TAFA1: variants seen among roughly 807,000 people sequenced by gnomAD.
The protein encoded by TAFA1 is chemokine-like protein TAFA-1.
In TAFA1, 4 loss-of-function variants were observed where a neutral mutation model predicts 18.5. The ratio of observed to expected loss-of-function variants is 0.22; its 90% confidence interval spans 0.11 to 0.49. The LOEUF is 0.49. TAFA1 is among the 20% of genes least tolerant of loss of function. The pLI is 0.98. For missense variants in TAFA1, 147 were observed against 169.0 expected (o/e 0.87, Z 0.72); for synonymous variants, 56 against 55.2 (o/e 1.01, Z -0.06).
chr3:68,491,564 T>G, intron 3 of TAFA1, among the ~76,000 whole-genome samples: 2 of 136,616 alleles, frequency 1.5e-5, no homozygotes, highest in African/African-American at 2.6e-5. Flanking sequence ...GGGGGAGGGA[T>G]AGCATTGGGA....
At chr3:68,117,096 T>G (rs2106849367) in intron 2 of TAFA1, among the ~76,000 whole-genome samples, 1 of 152,354 alleles carries the variant, frequency 6.6e-6, no homozygotes. Context: ...CAGCTCTCTT[T>G]TGCGCAAATA....
At chr3:68,313,564 G>A (rs368458593) in intron 2 of TAFA1, among the ~76,000 whole-genome samples, 8 of 152,196 alleles carry the variant, frequency 5.3e-5, no homozygotes, top group African/African-American at 1.9e-4. Context: ...CATGTATGCT[G>A]GAGTTGACAA....
chr3:68,108,239 T>A (rs2065225107), intron 2 of TAFA1, among the ~76,000 whole-genome samples: 1 of 152,108 alleles, frequency 6.6e-6, no homozygotes, highest in Admixed American at 6.6e-5. Context: ...AGAAACTTGT[T>A]AGATAAGAGC....
intron 2 of TAFA1, among the ~76,000 whole-genome samples, chr3:68,400,848 T>G (rs1425678814): frequency 1.3e-5 from 2 of 152,218 alleles, no homozygotes; most frequent in African/African-American, 2.4e-5. Context: ...TCTTCCTAGA[T>G]GGCCTCAGCG....
At chr3:68,433,124 C>T (rs930031116) in intron 3 of TAFA1, among the ~76,000 whole-genome samples, 19 of 152,086 alleles carry the variant, frequency 1.2e-4, no homozygotes, top group Non-Finnish European at 1.9e-4. Flanking sequence ...CACATTTCCA[C>T]CAGTCTGCTT....
chr3:68,336,591 T>A (rs2068972501), intron 2 of TAFA1, among the ~76,000 whole-genome samples: 1 of 152,256 alleles, frequency 6.6e-6, no homozygotes, highest in Non-Finnish European at 1.5e-5. Flanking sequence ...TCAAACTATC[T>A]GCTTGAAAGG....
intron 2 of TAFA1, among the ~76,000 whole-genome samples, chr3:68,121,600 A>G (rs1348968580): frequency 6.6e-6 from 1 of 152,160 alleles, no homozygotes; most frequent in African/African-American, 2.4e-5. Context: ...AATTCTCATC[A>G]TGTCCCTAAT....
intron 3 of TAFA1, among the ~76,000 whole-genome samples, chr3:68,454,211 A>G (rs958687901): frequency 1.1e-4 from 16 of 152,174 alleles, no homozygotes; most frequent in African/African-American, 3.9e-4. Flanking sequence ...GAAATACAGG[A>G]TCATCATATG....
intron 2 of TAFA1, among the ~76,000 whole-genome samples, chr3:68,295,314 A>G (rs2068187222): frequency 6.6e-6 from 1 of 152,182 alleles, no homozygotes; most frequent in African/African-American, 2.4e-5. Flanking sequence ...TAAAGTTAGG[A>G]TGCAGTGGGT....
intron 2 of TAFA1, among the ~76,000 whole-genome samples, chr3:68,156,753 C>G (rs751164742): frequency 1.5e-5 from 2 of 137,312 alleles, no homozygotes; most frequent in Non-Finnish European, 3.2e-5. Context: ...CTATAATTTA[C>G]TGAGTATGTG....
chr3:68,287,921 G>GGTT (rs2068042448), intron 2 of TAFA1, among the ~76,000 whole-genome samples: 1 of 95,156 alleles, frequency 1.1e-5, no homozygotes, highest in Non-Finnish European at 2.3e-5. Flanking sequence ...GGGTGGGGGG[G>GGTT]CTTTTTGAAA....
At chr3:68,410,705 CAAAAAAA>C (rs34714719) in intron 2 of TAFA1, among the ~76,000 whole-genome samples, 2,226 of 36,576 alleles carry the variant, frequency 0.061, 50 homozygotes, top group African/African-American at 0.2. Context: ...TTTCCATAAG[CAAAAAAA>C]AAAAAAAAAA....
intron 2 of TAFA1, among the ~76,000 whole-genome samples, chr3:68,209,562 C>T (rs145798079): frequency 1.6e-3 from 249 of 152,126 alleles, no homozygotes; most frequent in African/African-American, 5.8e-3. Flanking sequence ...TTTGCTGTCT[C>T]CCACATGCAT....
intron 3 of TAFA1, among the ~76,000 whole-genome samples, chr3:68,476,860 ATGAG>A (rs1461923390): frequency 6.6e-6 from 1 of 152,208 alleles, no homozygotes; most frequent in East Asian, 1.9e-4. Context: ...ATAGGATGAA[ATGAG>A]TATGTTCTAT....
intron 3 of TAFA1, among the ~76,000 whole-genome samples, chr3:68,420,912 G>A (rs17047679): frequency 0.015 from 2,287 of 152,276 alleles, 65 homozygotes; most frequent in South Asian, 0.048. Context: ...CTCTCTTAAA[G>A]AAGAAACTCT....
intron 2 of TAFA1, among the ~76,000 whole-genome samples, chr3:68,130,186 T>C (rs1023051272): frequency 6.6e-6 from 1 of 152,194 alleles, no homozygotes; most frequent in Non-Finnish European, 1.5e-5. Context: ...GTGGACAGCA[T>C]TGCAGCCATT....
chr3:68,034,930 C>A (rs1705013676), intron 2 of TAFA1, among the ~76,000 whole-genome samples: 1 of 152,054 alleles, frequency 6.6e-6, no homozygotes, highest in Non-Finnish European at 1.5e-5. Flanking sequence ...TAGTGGTGCC[C>A]AGTTGGGTGG....
At chr3:68,111,699 CAAATA>C (rs1231409774) in intron 2 of TAFA1, among the ~76,000 whole-genome samples, 1 of 147,270 alleles carries the variant, frequency 6.8e-6, no homozygotes, top group East Asian at 2.0e-4. Flanking sequence ...TTTAGGATAA[CAAATA>C]AAATAATTTC....
At chr3:68,260,376 C>T (rs1348031591) in intron 2 of TAFA1, among the ~76,000 whole-genome samples, 1 of 151,990 alleles carries the variant, frequency 6.6e-6, no homozygotes, top group Non-Finnish European at 1.5e-5. Flanking sequence ...CAATGTTCAT[C>T]AAGGATATTG....
Sources: gnomAD v4.1 joint callset for allele counts (sites outside exome capture counted in the v4.1 genomes callset) on GRCh38, gnomAD v4.1.1 for gene constraint, MANE v1.5 for transcripts, NCBI Gene and HGNC (gene_info 2026-07-23, HGNC 2026-07-21) for gene names.